Variants in UGT1A6 observed in about 807,000 individuals in gnomAD.
UGT1A6 encodes UDP-glucuronosyltransferase 1A6.
A neutral mutation model predicts 44.4 loss-of-function variants in UGT1A6; 32 were observed. The ratio of observed to expected loss-of-function variants is 0.72; its 90% confidence interval spans 0.54 to 0.97. The LOEUF (loss-of-function observed/expected upper bound fraction) is 0.97, where lower values mean the gene tolerates loss of function less well. Ranked by LOEUF, UGT1A6 falls within the 50% of genes least tolerant of loss-of-function variation. The pLI is 0.00. For missense variants in UGT1A6, 685 were observed against 661.9 expected (o/e 1.03, Z -0.38); for synonymous variants, 238 against 248.5 (o/e 0.96, Z 0.40).
At chr2:233,719,858 C>A (rs368218473) in intron 1 of UGT1A6, among the ~76,000 whole-genome samples, 1 of 152,098 alleles carries the variant, frequency 6.6e-6, no homozygotes, top group East Asian at 1.9e-4. Flanking sequence ...TTTCAGTGGT[C>A]ACTGAGAGGA....
intron 1 of UGT1A6, among the ~76,000 whole-genome samples, chr2:233,757,218 C>G (rs1037156819): frequency 2.0e-5 from 3 of 149,068 alleles, no homozygotes; most frequent in African/African-American, 7.5e-5. Context: ...AAGCTGCTGA[C>G]CAAGGTTCCA....
intron 1 of UGT1A6, among the ~76,000 whole-genome samples, chr2:233,714,126 C>A (rs866787079): frequency 6.6e-6 from 1 of 152,016 alleles, no homozygotes; most frequent in Middle Eastern, 3.2e-3. Context: ...GGAGACTGTT[C>A]GTTTGTAAAA....
chr2:233,718,332 T>C (rs1444016327), intron 1 of UGT1A6, among the ~76,000 whole-genome samples: 1 of 152,208 alleles, frequency 6.6e-6, no homozygotes, highest in East Asian at 1.9e-4. Flanking sequence ...CTTAGCAATG[T>C]TGTATGTCTT....
intron 1 of UGT1A6, among the ~76,000 whole-genome samples, chr2:233,702,287 A>G (rs1181486137): frequency 6.6e-6 from 1 of 152,220 alleles, no homozygotes. Context: ...CCTTTAGCAT[A>G]AAGAGTTTTG....
At chr2:233,735,430 A>G (rs2125793200) in intron 1 of UGT1A6, among the ~76,000 whole-genome samples, 1 of 152,196 alleles carries the variant, frequency 6.6e-6, no homozygotes, top group East Asian at 1.9e-4. Context: ...GGCCTCCTGA[A>G]TACAGCATAC....
At chr2:233,735,935 C>T (rs1483779972) in intron 1 of UGT1A6, among the ~76,000 whole-genome samples, 1 of 151,986 alleles carries the variant, frequency 6.6e-6, no homozygotes, top group Non-Finnish European at 1.5e-5. Context: ...CTGTGGCTGC[C>T]CTTAACATTT....
intron 1 of UGT1A6, among the ~76,000 whole-genome samples, chr2:233,749,291 C>G (rs28900384): frequency 0.034 from 5,146 of 151,834 alleles, 168 homozygotes; most frequent in African/African-American, 0.052. Context: ...TGTAGTTATT[C>G]AATTATAAAA....
intron 1 of UGT1A6, among the ~76,000 whole-genome samples, chr2:233,730,262 T>G (rs2078006509): frequency 6.6e-6 from 1 of 152,108 alleles, no homozygotes; most frequent in South Asian, 2.1e-4. Context: ...TAGAGACTGT[T>G]GGTTTGTAAA....
chr2:233,696,584 C>A (rs1165044869), intron 1 of UGT1A6, among the ~76,000 whole-genome samples: 1 of 150,482 alleles, frequency 6.6e-6, no homozygotes, highest in Non-Finnish European at 1.5e-5. Context: ...AATTTGACTT[C>A]TTCCTTTCCA....
intron 1 of UGT1A6, chr2:233,743,989 C>T: frequency 7.9e-7 from 1 of 1,273,692 alleles, no homozygotes; most frequent in South Asian, 1.3e-5. Context: ...AGGCGCAGGC[C>T]CGAGTGCTCG....
chr2:233,693,900 T>C, intron 1 of UGT1A6, 35 bp downstream of exon 1: 4 of 1,613,588 alleles, frequency 2.5e-6, no homozygotes, highest in African/African-American at 1.3e-5. Context: ...CTGCCTTGTT[T>C]CTTCCAGGCT....
intron 1 of UGT1A6, chr2:233,729,848 G>C: frequency 6.2e-7 from 1 of 1,613,874 alleles, no homozygotes; most frequent in Non-Finnish European, 8.5e-7. Context: ...CTTTTTCAGA[G>C]AGAGGTGTCA....
At chr2:233,754,435 GTTT>G (rs1438333697) in intron 1 of UGT1A6, 18 of 350,500 alleles carry the variant, frequency 5.1e-5, no homozygotes, top group Non-Finnish European at 5.6e-6. Context: ...GGCATAAAGT[GTTT>G]ATAAATTCTT....
At chr2:233,719,767 A>G (rs1291617855) in intron 1 of UGT1A6, 8 of 1,611,870 alleles carry the variant, frequency 5.0e-6, no homozygotes, top group Non-Finnish European at 6.8e-6. Context: ...AAGTGCTTCC[A>G]TATCTACTTA....
intron 1 of UGT1A6, among the ~76,000 whole-genome samples, chr2:233,724,565 G>A (rs1428948283): frequency 3.9e-5 from 5 of 129,268 alleles, no homozygotes; most frequent in Non-Finnish European, 6.5e-5. Context: ...CAGATGGGGC[G>A]GCGGGGCAGA....
chr2:233,725,835 CTATGT>C (rs1185160672), intron 1 of UGT1A6, among the ~76,000 whole-genome samples: 4 of 152,052 alleles, frequency 2.6e-5, no homozygotes, highest in Admixed American at 2.0e-4. Flanking sequence ...ATTGCTACTC[CTATGT>C]TATTTTTTCA....
chr2:233,726,550 A>C (rs1388037540), intron 1 of UGT1A6, among the ~76,000 whole-genome samples: 1 of 152,162 alleles, frequency 6.6e-6, no homozygotes, highest in Non-Finnish European at 1.5e-5. Context: ...CAGCGTCTTC[A>C]AGTCTCCCAC....
rs558465100 is a variant in UGT1A6, at chr2:233,752,900, G to C, written c.862-14134G>C. 2.3e-4 allele frequency among the ~76,000 whole-genome samples: 35 copies of C among 152,364 alleles called. No individual in the cohort carries two copies. The South Asian group carries it at 6.8e-3, about 30-fold the overall frequency. ...GTTAAAACTAGCCAGCGTTGTTACA[G>C]ATCCACCTCTGAGTGACACTGGTAT... On this transcript the variant is annotated intron_variant, in intron 1 of 4. Transcript: ENST00000305139.
rs528932470 is a variant in UGT1A6, at chr2:233,768,499, A to C, written c.1301+60A>C. ...TGGCATTCATGATAAAATTGTTTCA[A>C]ATATGAAAACATTTACGTAGCATTT... On this transcript the variant is annotated intron_variant, in intron 4 of 4. Coordinates refer to ENST00000305139, the MANE Select transcript of UGT1A6 (RefSeq NM_001072.4). 123 of 1,570,454 alleles carry C rather than the reference A, an allele frequency of 7.8e-5. No individual in the cohort carries two copies. The East Asian group carries it at 1.6e-3, about 20-fold the overall frequency.
Sources: allele counts gnomAD v4.1 joint callset (sites outside exome capture counted in the v4.1 genomes callset), GRCh38; gene constraint gnomAD v4.1.1; transcripts MANE v1.5; gene names NCBI Gene and HGNC (gene_info 2026-07-23, HGNC 2026-07-21).